The following SDK1 variants were observed in gnomAD, a reference collection of about 807,000 sequenced individuals.
SDK1 encodes the protein protein sidekick-1.
In SDK1, 157 loss-of-function variants were observed where a neutral mutation model predicts 245.5. The observed-to-expected ratio is 0.64, with a 90% CI of 0.56 to 0.73. The LOEUF (loss-of-function observed/expected upper bound fraction) is 0.73, where lower values mean the gene tolerates loss of function less well. Among genes scored for constraint, SDK1 ranks in the 30% least tolerant of loss-of-function variants. The pLI, the probability that SDK1 is intolerant of heterozygous loss-of-function variation, is 0.00. For synonymous variants in SDK1, 1,647 were observed against 1,278.5 expected (o/e 1.29, Z -6.15); for missense variants, 3,583 against 3,002.3 (o/e 1.19, Z -4.52).
At chr7:3,919,101 C>G (rs563935368) in intron 5 of SDK1, among the ~76,000 whole-genome samples, 1 of 152,214 alleles carries the variant, frequency 6.6e-6, no homozygotes, top group African/African-American at 2.4e-5. Flanking sequence ...TAACTATATT[C>G]CATCTCACAT....
chr7:3,980,889 C>T (rs147389131), intron 13 of SDK1, among the ~76,000 whole-genome samples: 3 of 151,168 alleles, frequency 2.0e-5, no homozygotes, highest in Non-Finnish European at 2.9e-5. Flanking sequence ...TGCAGTGAGC[C>T]GAATTGCACC....
chr7:3,744,737 G>T (rs1163872348), intron 4 of SDK1, among the ~76,000 whole-genome samples: 5 of 151,666 alleles, frequency 3.3e-5, no homozygotes, highest in Non-Finnish European at 7.4e-5. Context: ...GCGTGAACCC[G>T]GGAGGTGGAG....
In SDK1 at chr7:3,579,642, C is replaced by G. The variant is rs557234945; in HGVS notation, c.299-39438C>G. ...ACAAGGATGCCCTCTCTCACCAATC[C>G]TATTCAAGATAGTGTTGGAAGTCTT... is the stretch of plus-strand genomic sequence containing the variant. On this transcript the variant is annotated intron_variant, in intron 1 of 44. Transcript: ENST00000404826. Among the ~76,000 whole-genome samples the G allele has an allele frequency of 2.4e-4, 37 of 152,300 alleles. No homozygotes were observed. The Middle Eastern group carries it at 0.014, about 56-fold the overall frequency.
At chr7:4,055,166 TTGG>T (rs1275011587) in intron 19 of SDK1, among the ~76,000 whole-genome samples, 3 of 152,206 alleles carry the variant, frequency 2.0e-5, no homozygotes, top group African/African-American at 7.2e-5. Context: ...TTGCGTAAAA[TTGG>T]TGTCATTTTC....
intron 26 of SDK1, chr7:4,129,683 G>T: frequency 7.2e-7 from 1 of 1,391,568 alleles, no homozygotes; most frequent in East Asian, 2.8e-5. Flanking sequence ...TCGCCAAGCC[G>T]TGGGCACTAA....
intron 35 of SDK1, among the ~76,000 whole-genome samples, chr7:4,193,119 A>ATT (rs1233360175): frequency 1.5e-5 from 2 of 133,532 alleles, no homozygotes; most frequent in East Asian, 2.0e-4. Flanking sequence ...ATATTAAAAT[A>ATT]TATATAATAT....
chr7:3,542,611 C>T (rs879380802), intron 1 of SDK1, among the ~76,000 whole-genome samples: 1 of 152,090 alleles, frequency 6.6e-6, no homozygotes, highest in Non-Finnish European at 1.5e-5. Context: ...TAATCAATAA[C>T]ATTATTAAAA....
At chr7:4,213,631 G>T (rs1465010458) in intron 38 of SDK1, among the ~76,000 whole-genome samples, 2 of 151,844 alleles carry the variant, frequency 1.3e-5, no homozygotes, top group African/African-American at 4.8e-5. Flanking sequence ...CATTCCATGG[G>T]TCATTACCCA....
At chr7:3,367,205 G>T (rs1781115823) in intron 1 of SDK1, among the ~76,000 whole-genome samples, 2 of 151,654 alleles carry the variant, frequency 1.3e-5, no homozygotes, top group South Asian at 2.1e-4. Flanking sequence ...GAGTTTTAAA[G>T]AATGTATCTT....
At chr7:3,984,752 C>T (rs547316588) in intron 13 of SDK1, among the ~76,000 whole-genome samples, 5 of 152,318 alleles carry the variant, frequency 3.3e-5, no homozygotes, top group Admixed American at 3.3e-4. Context: ...ATCTCCCATC[C>T]TGACTATTAC....
intron 1 of SDK1, among the ~76,000 whole-genome samples, chr7:3,324,809 A>T (rs1485622966): frequency 6.6e-6 from 1 of 152,152 alleles, no homozygotes. Context: ...TAATTTTATT[A>T]AACCTATGCC....
intron 4 of SDK1, among the ~76,000 whole-genome samples, chr7:3,655,563 A>T (rs2128657481): frequency 6.9e-6 from 1 of 144,760 alleles, no homozygotes; most frequent in South Asian, 2.2e-4. Context: ...TGTCTTATAT[A>T]TCTGTCTATC....
intron 1 of SDK1, among the ~76,000 whole-genome samples, chr7:3,321,616 A>G (rs527972425): frequency 4.6e-5 from 7 of 152,212 alleles, no homozygotes; most frequent in Admixed American, 1.3e-4. Context: ...AACATTCTTC[A>G]TGTTTTCGCA....
intron 1 of SDK1, among the ~76,000 whole-genome samples, chr7:3,604,165 C>T (rs564223832): frequency 2.5e-4 from 38 of 152,216 alleles, no homozygotes; most frequent in African/African-American, 7.2e-4. Flanking sequence ...GTGTCTCTGC[C>T]AGGCTTTGGT....
chr7:3,390,275 G>C (rs1330807689), intron 1 of SDK1, among the ~76,000 whole-genome samples: 1 of 152,178 alleles, frequency 6.6e-6, no homozygotes, highest in East Asian at 1.9e-4. Context: ...CAGGGTTGTA[G>C]AGAATCATAT....
chr7:3,663,319 T>G (rs952707723), intron 4 of SDK1, among the ~76,000 whole-genome samples: 8 of 152,160 alleles, frequency 5.3e-5, no homozygotes, highest in Admixed American at 6.5e-5. Context: ...TAATTGTAGG[T>G]GGAGTGTGTA....
chr7:4,114,977 T>A (rs1783606914), intron 25 of SDK1, among the ~76,000 whole-genome samples: 2 of 152,224 alleles, frequency 1.3e-5, no homozygotes, highest in Non-Finnish European at 2.9e-5. Flanking sequence ...TTGGCCAACC[T>A]TGAGCAGACC....
intron 5 of SDK1, among the ~76,000 whole-genome samples, chr7:3,846,677 T>A (rs1780286896): frequency 1.3e-5 from 2 of 152,212 alleles, no homozygotes; most frequent in Admixed American, 1.3e-4. Flanking sequence ...TTTCCCCCAC[T>A]TCTCTGAACT....
chr7:4,044,188 G>A (rs975542745), intron 17 of SDK1, among the ~76,000 whole-genome samples: 9 of 152,296 alleles, frequency 5.9e-5, no homozygotes, highest in Non-Finnish European at 8.8e-5. Context: ...ACACGTTGGC[G>A]CCATGGCTAG....
Sources: gnomAD v4.1 joint callset for allele counts (sites outside exome capture counted in the v4.1 genomes callset) on GRCh38, gnomAD v4.1.1 for gene constraint, MANE v1.5 for transcripts, NCBI Gene and HGNC (gene_info 2026-07-23, HGNC 2026-07-21) for gene names.